ZMIZ1: variants seen among roughly 807,000 people sequenced by gnomAD.
ZMIZ1 encodes zinc finger MIZ-type containing 1.
A neutral mutation model predicts 113.9 loss-of-function variants in ZMIZ1; 17 were observed. The observed-to-expected ratio is 0.15, with a 90% CI of 0.10 to 0.22. The LOEUF (loss-of-function observed/expected upper bound fraction) is 0.22. ZMIZ1 is among the 10% of genes least tolerant of loss of function. The probability of loss-of-function intolerance (pLI) is 1.00; values close to 1 mark genes in which losing one functional copy is unlikely to be tolerated. For synonymous variants in ZMIZ1, 607 were observed against 603.1 expected (o/e 1.01, Z -0.09); for missense variants, 1,059 against 1,477.8 (o/e 0.72, Z 4.65).
At chr10:79,277,981 T>G (rs1852409892) in intron 8 of ZMIZ1, among the ~76,000 whole-genome samples, 1 of 152,206 alleles carries the variant, frequency 6.6e-6, no homozygotes, top group African/African-American at 2.4e-5. Context: ...CTCTCCCCTG[T>G]GTGTGTCTCC....
intron 4 of ZMIZ1, among the ~76,000 whole-genome samples, chr10:79,165,926 T>C (rs1463367956): frequency 7.0e-5 from 1 of 14,378 alleles, no homozygotes; most frequent in African/African-American, 4.4e-4. Context: ...CTTCTGGCCT[T>C]GGCCTCCAAG....
intron 7 of ZMIZ1, among the ~76,000 whole-genome samples, chr10:79,228,479 C>T (rs1849275263): frequency 6.6e-6 from 1 of 152,246 alleles, no homozygotes; most frequent in African/African-American, 2.4e-5. Context: ...TTCTTCTCTT[C>T]CTCCTTCCCT....
intron 12 of ZMIZ1, chr10:79,294,081 A>T (rs1374652296): frequency 3.9e-6 from 1 of 257,932 alleles, no homozygotes; most frequent in South Asian, 4.8e-5. Flanking sequence ...CTTCCAGTCT[A>T]TAAGGGCTGA....
chr10:79,289,939 C>G, intron 9 of ZMIZ1, 50 bp downstream of exon 9: 2 of 1,556,708 alleles, frequency 1.3e-6, no homozygotes, highest in Non-Finnish European at 8.8e-7. Context: ...GCGGGAGTGT[C>G]CCTTGACCCC....
At position 79,314,356 on chromosome 10, in the gene ZMIZ1, G is replaced by C; in HGVS notation, c.*1607G>C. 2.4e-6 allele frequency: 1 copy of C among 425,304 alleles called. No homozygotes were observed. The highest frequency in any genetic ancestry group is 4.8e-6 in the Non-Finnish European group (1 of 209,852). The allele number at this position is 425,304 out of a possible 1,614,324, so 26.3% of individuals were successfully genotyped here. On this transcript the variant is annotated 3_prime_UTR_variant, in exon 25 of 25. Coordinates refer to ENST00000334512, the MANE Select transcript of ZMIZ1 (RefSeq NM_020338.4). ...TTTCCTGCTCTCCCGTCCGCTGTGG[G>C]TGGTCCCCAGCTCTCCTCTGTGGGT...
At chr10:79,172,728 T>C (rs796843649) in intron 4 of ZMIZ1, among the ~76,000 whole-genome samples, 37 of 152,330 alleles carry the variant, frequency 2.4e-4, no homozygotes, top group African/African-American at 8.7e-4. Flanking sequence ...TTGCATCTTT[T>C]GACACAAAAG....
intron 4 of ZMIZ1, among the ~76,000 whole-genome samples, chr10:79,199,289 C>G (rs149682328): frequency 1.3e-5 from 2 of 152,214 alleles, no homozygotes; most frequent in South Asian, 4.1e-4. Context: ...AGGGGAATCA[C>G]GAGATCAGGA....
chr10:79,220,787 T>A (rs2044271819), intron 7 of ZMIZ1, among the ~76,000 whole-genome samples: 1 of 152,106 alleles, frequency 6.6e-6, no homozygotes, highest in African/African-American at 2.4e-5. Flanking sequence ...TGTGTATGTT[T>A]GTGTTGGGGA....
At chr10:79,158,597 A>G (rs1335707622) in intron 3 of ZMIZ1, among the ~76,000 whole-genome samples, 2 of 152,172 alleles carry the variant, frequency 1.3e-5, no homozygotes, top group Non-Finnish European at 2.9e-5. Context: ...CTGGTCCTAA[A>G]TTTCGGGCAC....
chr10:79,075,079 G>T (rs1255806609), intron 1 of ZMIZ1, among the ~76,000 whole-genome samples: 2 of 152,194 alleles, frequency 1.3e-5, no homozygotes, highest in African/African-American at 4.8e-5. Flanking sequence ...GACAGACGGT[G>T]GGGGGACTGT....
rs1241068631 is a variant in ZMIZ1 at position 79,297,569 on chromosome 10, G to A, written c.1414-44G>A. 3 of 1,568,930 alleles carry A rather than the reference G, an allele frequency of 1.9e-6. No individual in the cohort carries two copies. In the Admixed American group the frequency reaches 5.0e-5, roughly 26 times the overall value. On this transcript the variant is annotated intron_variant, in intron 13 of 24. Transcript: ENST00000334512. ...CCAGAGGGAGAGCGGGCTTCTGATGGCTTTTCTGCCCCCCACTCAGTGTTG... is the reference window on the plus strand; with the variant it reads ...CCAGAGGGAGAGCGGGCTTCTGATGACTTTTCTGCCCCCCACTCAGTGTTG...
Position 79,313,831 on chromosome 10 carries a change from T to G in ZMIZ1, c.*1082T>G, listed in dbSNP as rs780636497. The G allele has an allele frequency of 5.6e-6, 2 of 356,352 alleles. No individual in the cohort carries two copies. The highest frequency in any genetic ancestry group is 1.1e-5 in the Non-Finnish European group (2 of 179,864). The allele number at this position is 356,352 out of a possible 1,614,324, so 22.1% of individuals were successfully genotyped here. On this transcript the variant is annotated 3_prime_UTR_variant, in exon 25 of 25. Transcript: ENST00000334512. ...GGACACCCACTTCCCTCTGTCCTAG[T>G]TCTCTTTGTCCAATCAGATGGCAAG...
At chr10:79,200,740 AC>A (rs1293741083) in intron 4 of ZMIZ1, among the ~76,000 whole-genome samples, 3 of 152,140 alleles carry the variant, frequency 2.0e-5, no homozygotes, top group Non-Finnish European at 2.9e-5. Flanking sequence ...CAAAGTGAAA[AC>A]AACAGAGTTG....
At chr10:79,208,253 T>C (rs1037699006) in intron 5 of ZMIZ1, 83 bp from the exon 6 acceptor site, 11 of 1,211,108 alleles carry the variant, frequency 9.1e-6, no homozygotes, top group Admixed American at 1.8e-5. Flanking sequence ...TGAGGCTGGG[T>C]TCTTCCCACC....
chr10:79,178,347 C>T (rs1245956389), intron 4 of ZMIZ1, among the ~76,000 whole-genome samples: 4 of 152,236 alleles, frequency 2.6e-5, no homozygotes, highest in Admixed American at 6.5e-5. Context: ...CTCAGTTGGT[C>T]GTGAACAGAG....
chr10:79,183,152 C>T (rs1847192629), intron 4 of ZMIZ1, among the ~76,000 whole-genome samples: 1 of 152,260 alleles, frequency 6.6e-6, no homozygotes, highest in Non-Finnish European at 1.5e-5. Context: ...TGGCCCCTTT[C>T]AGGCCCCATG....
At chr10:79,148,495 T>G (rs1845582667) in intron 3 of ZMIZ1, among the ~76,000 whole-genome samples, 1 of 152,128 alleles carries the variant, frequency 6.6e-6, no homozygotes. Flanking sequence ...AGGTCTAGGG[T>G]ATTCAATCTG....
intron 1 of ZMIZ1, among the ~76,000 whole-genome samples, chr10:79,072,414 G>A (rs1842322426): frequency 6.6e-6 from 1 of 152,362 alleles, no homozygotes; most frequent in East Asian, 1.9e-4. Context: ...ACTGAGAAGA[G>A]CTGCAGACTT....
intron 8 of ZMIZ1, among the ~76,000 whole-genome samples, chr10:79,278,950 G>A (rs549194023): frequency 4.3e-4 from 65 of 152,342 alleles, no homozygotes; most frequent in Admixed American, 9.8e-4. Context: ...TGAGCTGTTG[G>A]GTACACCTCC....
Sources: allele counts gnomAD v4.1 joint callset (sites outside exome capture counted in the v4.1 genomes callset), GRCh38; gene constraint gnomAD v4.1.1; transcripts MANE v1.5; gene names NCBI Gene and HGNC (gene_info 2026-07-23, HGNC 2026-07-21).